KCNH7: variants seen among roughly 807,000 people sequenced by gnomAD.
The protein encoded by KCNH7 is voltage-gated inwardly rectifying potassium channel KCNH7.
In KCNH7, 49 loss-of-function variants were observed where a neutral mutation model predicts 120.8. That is an observed-to-expected ratio of 0.41 (90% confidence interval 0.32 to 0.51). KCNH7 has a LOEUF of 0.51. Ranked by LOEUF, KCNH7 falls within the 20% of genes least tolerant of loss-of-function variation. The pLI, the probability that KCNH7 is intolerant of heterozygous loss-of-function variation, is 0.38. For missense variants in KCNH7, 1,097 were observed against 1,446.6 expected, an observed-to-expected ratio of 0.76 and a Z score of 3.92; for synonymous variants, 547 against 516.1, an observed-to-expected ratio of 1.06 and a Z score of -0.81.
intron 2 of KCNH7, among the ~76,000 whole-genome samples, chr2:162,660,627 T>G (rs1214942071): frequency 6.6e-6 from 1 of 152,198 alleles, no homozygotes; most frequent in East Asian, 1.9e-4. Context: ...ATTCAATTGG[T>G]TGATGCTGCT....
chr2:162,427,348 A>G (rs1198409831), intron 8 of KCNH7, among the ~76,000 whole-genome samples: 2 of 152,034 alleles, frequency 1.3e-5, no homozygotes, highest in Non-Finnish European at 2.9e-5. Flanking sequence ...TGAAAATACT[A>G]TTTGTTCCAT....
intron 2 of KCNH7, among the ~76,000 whole-genome samples, chr2:162,700,867 G>A (rs995241007): frequency 3.9e-5 from 6 of 152,222 alleles, no homozygotes; most frequent in Admixed American, 3.3e-4. Context: ...ATCTGTTTTG[G>A]TGTCTTTAAA....
intron 2 of KCNH7, among the ~76,000 whole-genome samples, chr2:162,640,678 C>A (rs527748611): frequency 3.3e-5 from 5 of 151,716 alleles, no homozygotes. Context: ...AAAGATGATA[C>A]GTGGAAGGAA....
At chr2:162,435,728 G>T (rs1248365706) in intron 7 of KCNH7, 131 bp from the exon 8 acceptor site, 3 of 856,184 alleles carry the variant, frequency 3.5e-6, no homozygotes, top group Admixed American at 3.1e-5. Flanking sequence ...TTTAAATTCA[G>T]TATTAAACTT....
chr2:162,710,404 C>T (rs574980196), intron 2 of KCNH7, among the ~76,000 whole-genome samples: 3 of 152,122 alleles, frequency 2.0e-5, no homozygotes, highest in African/African-American at 7.2e-5. Context: ...ATGACCCAAG[C>T]CTATTTATTG....
At chr2:162,546,081 T>C (rs776636541) in intron 2 of KCNH7, among the ~76,000 whole-genome samples, 1 of 152,210 alleles carries the variant, frequency 6.6e-6, no homozygotes. Context: ...TCACACATTT[T>C]CTGACGCATA....
intron 2 of KCNH7, among the ~76,000 whole-genome samples, chr2:162,597,540 T>C (rs1320865884): frequency 2.0e-5 from 3 of 152,016 alleles, no homozygotes; most frequent in Non-Finnish European, 2.9e-5. Flanking sequence ...TGGGGAGGTA[T>C]GAAGGTGTAA....
intron 2 of KCNH7, among the ~76,000 whole-genome samples, chr2:162,633,095 A>T (rs1443790389): frequency 6.6e-6 from 1 of 151,924 alleles, no homozygotes; most frequent in Non-Finnish European, 1.5e-5. Flanking sequence ...TAATATTTAC[A>T]ATTCATAAAG....
At chr2:162,726,348 A>G (rs1033052562) in intron 2 of KCNH7, among the ~76,000 whole-genome samples, 1 of 152,194 alleles carries the variant, frequency 6.6e-6, no homozygotes, top group Non-Finnish European at 1.5e-5. Context: ...GAAGAGTAAC[A>G]ATGAATTTTT....
chr2:162,774,693 T>C (rs966357483), intron 2 of KCNH7, among the ~76,000 whole-genome samples: 10 of 152,192 alleles, frequency 6.6e-5, no homozygotes, highest in Admixed American at 6.5e-4. Flanking sequence ...ACAAACTTTT[T>C]ATCACAGAAA....
At chr2:162,828,314 T>C (rs1685358921) in intron 2 of KCNH7, among the ~76,000 whole-genome samples, 1 of 152,144 alleles carries the variant, frequency 6.6e-6, no homozygotes, top group African/African-American at 2.4e-5. Context: ...TTGTTACTTG[T>C]TATAAAACCA....
chr2:162,536,657 C>G (rs1692118350), intron 3 of KCNH7, among the ~76,000 whole-genome samples: 1 of 151,864 alleles, frequency 6.6e-6, no homozygotes, highest in Non-Finnish European at 1.5e-5. Context: ...TTGTAACAGA[C>G]AAAGTTTGAA....
At chr2:162,792,677 T>C (rs977044760) in intron 2 of KCNH7, among the ~76,000 whole-genome samples, 1 of 151,666 alleles carries the variant, frequency 6.6e-6, no homozygotes, top group Admixed American at 6.6e-5. Flanking sequence ...ATCTTCTCTC[T>C]TTTCTTCTTT....
At chr2:162,787,423 G>T (rs1462611293) in intron 2 of KCNH7, among the ~76,000 whole-genome samples, 3 of 151,990 alleles carry the variant, frequency 2.0e-5, no homozygotes, top group South Asian at 4.2e-4. Context: ...TATAGCCCCA[G>T]GATCCAGGAC....
At chr2:162,458,098 T>C (rs1315411612) in intron 6 of KCNH7, among the ~76,000 whole-genome samples, 2 of 138,552 alleles carry the variant, frequency 1.4e-5, no homozygotes, top group Non-Finnish European at 3.0e-5. Flanking sequence ...GATATTTGGC[T>C]ATGTGCGTGT....
At chr2:162,787,351 A>C (rs1254243096) in intron 2 of KCNH7, among the ~76,000 whole-genome samples, 1 of 152,050 alleles carries the variant, frequency 6.6e-6, no homozygotes, top group Non-Finnish European at 1.5e-5. Flanking sequence ...CCATGAACCC[A>C]GGCTCTAGGC....
chr2:162,689,073 T>C (rs2105325305), intron 2 of KCNH7, among the ~76,000 whole-genome samples: 1 of 152,170 alleles, frequency 6.6e-6, no homozygotes, highest in South Asian at 2.1e-4. Flanking sequence ...CAATAAATAG[T>C]ATCTATTATT....
At chr2:162,603,501 A>C (rs1694629477) in intron 2 of KCNH7, among the ~76,000 whole-genome samples, 1 of 152,068 alleles carries the variant, frequency 6.6e-6, no homozygotes, top group Non-Finnish European at 1.5e-5. Context: ...TGGTTGTGAG[A>C]ATATTATTCT....
intron 2 of KCNH7, among the ~76,000 whole-genome samples, chr2:162,822,090 T>C (rs961294312): frequency 6.5e-5 from 4 of 61,606 alleles, no homozygotes; most frequent in Non-Finnish European, 1.4e-4. Context: ...GGCCATAATC[T>C]CCACAATAAA....
Sources: gnomAD v4.1 joint callset for allele counts (sites outside exome capture counted in the v4.1 genomes callset) on GRCh38, gnomAD v4.1.1 for gene constraint, MANE v1.5 for transcripts, NCBI Gene and HGNC (gene_info 2026-07-23, HGNC 2026-07-21) for gene names.